MICU2: variants seen among roughly 807,000 people sequenced by gnomAD.
MICU2 encodes calcium uptake protein 2, mitochondrial.
MICU2 carries 64 observed loss-of-function variants against 60.4 expected under a neutral mutation model. That is an observed-to-expected ratio of 1.06 (90% CI 0.87 to 1.31). The LOEUF is 1.31. MICU2 is among the 50% of genes most tolerant of loss of function. The pLI is 0.00. For missense variants in MICU2, 569 were observed against 531.0 expected, an observed-to-expected ratio of 1.07 and a Z score of -0.70; for synonymous variants, 201 against 175.0, an observed-to-expected ratio of 1.15 and a Z score of -1.17.
intron 1 of MICU2, among the ~76,000 whole-genome samples, chr13:21,570,652 A>T (rs1888086407): frequency 6.6e-6 from 1 of 152,228 alleles, no homozygotes; most frequent in Non-Finnish European, 1.5e-5. Flanking sequence ...TACTGTGCAA[A>T]GCATTTGGCC....
intron 1 of MICU2, among the ~76,000 whole-genome samples, chr13:21,584,952 T>C (rs964254986): frequency 3.9e-5 from 6 of 152,236 alleles, no homozygotes; most frequent in African/African-American, 1.4e-4. Flanking sequence ...TAATATTTAC[T>C]TGGATTCCAC....
intron 1 of MICU2, among the ~76,000 whole-genome samples, chr13:21,577,502 C>A (rs887828293): frequency 6.6e-6 from 1 of 151,806 alleles, no homozygotes; most frequent in Non-Finnish European, 1.5e-5. Flanking sequence ...AAAAATTTAA[C>A]AAATAAAAAA....
chr13:21,521,697 A>AAAC lies in MICU2; in HGVS notation c.515-373_515-371dup, dbSNP rs528635582. Among the ~76,000 whole-genome samples, 16 of 152,328 alleles carry AAAC rather than the reference A, an allele frequency of 1.1e-4. No homozygotes were observed. The South Asian group carries it at 3.1e-3, about 30-fold the overall frequency. On this transcript the variant is annotated intron_variant, in intron 5 of 11. Coordinates refer to ENST00000382374, the MANE Select transcript of MICU2 (RefSeq NM_152726.3). The stretch of plus-strand genomic sequence containing the variant: ...TTTATTTCCCTTTCTCAGAGTACTT[A>AAAC]AACAACAACAACGTATTTTGCAATC...
chr13:21,562,384 T>C (rs1358948639), intron 2 of MICU2, among the ~76,000 whole-genome samples: 3 of 152,228 alleles, frequency 2.0e-5, no homozygotes, highest in South Asian at 2.1e-4. Flanking sequence ...ACAGTGACTG[T>C]TGATATATCT....
In MICU2 at chr13:21,502,942, TTCTC is replaced by T; in HGVS notation, c.913_916del (p.Glu305SerfsTer35). 6 of 1,610,838 alleles carry T rather than the reference TTCTC, an allele frequency of 3.7e-6. No individual in the cohort carries two copies. Among genetic ancestry groups the T allele is most frequent in the East Asian group, 2.2e-5 (1 of 44,794 alleles). ...TATACCAACCTCTCCTGCTGACAAC[TTCTC>T]TCTCACATTTTTCCAATAAATATCT... On this transcript the variant is annotated frameshift_variant, in exon 9 of 12. Coordinates refer to ENST00000382374, the MANE Select transcript of MICU2 (RefSeq NM_152726.3). LOFTEE classifies it high-confidence loss of function.
At chr13:21,509,667 GGTT>G (rs1461851062) in intron 8 of MICU2, among the ~76,000 whole-genome samples, 3 of 152,166 alleles carry the variant, frequency 2.0e-5, no homozygotes, top group African/African-American at 7.2e-5. Flanking sequence ...AATAACAAAT[GGTT>G]GTTGTTTTAA....
At chr13:21,530,653 G>A (rs1886969950) in intron 4 of MICU2, 1 of 314,390 alleles carries the variant, frequency 3.2e-6, no homozygotes, top group East Asian at 6.9e-5. Flanking sequence ...CTCTCTGAAA[G>A]TTAAAAAAAT....
At chr13:21,598,580 G>A (rs771563958) in intron 1 of MICU2, among the ~76,000 whole-genome samples, 14 of 152,054 alleles carry the variant, frequency 9.2e-5, no homozygotes, top group Non-Finnish European at 7.4e-5. Context: ...GCTGGGCGTG[G>A]TGGCATTCAC....
chr13:21,510,626 A>C (rs963981901), intron 7 of MICU2, among the ~76,000 whole-genome samples: 1 of 152,292 alleles, frequency 6.6e-6, no homozygotes, highest in East Asian at 1.9e-4. Flanking sequence ...AACTGCTAAA[A>C]AAAAGAAAAA....
intron 6 of MICU2, among the ~76,000 whole-genome samples, chr13:21,518,833 T>G (rs1186581906): frequency 1.3e-5 from 2 of 152,222 alleles, no homozygotes; most frequent in African/African-American, 2.4e-5. Context: ...CCTTCAAATA[T>G]TTATTTGAGA....
chr13:21,531,641 T>C (rs1887003369), intron 4 of MICU2, among the ~76,000 whole-genome samples: 1 of 152,176 alleles, frequency 6.6e-6, no homozygotes, highest in African/African-American at 2.4e-5. Flanking sequence ...CGCGTCAAGA[T>C]TTGTAGAAGT....
chr13:21,504,572 G>T (rs1190820709), intron 8 of MICU2, among the ~76,000 whole-genome samples: 1 of 152,126 alleles, frequency 6.6e-6, no homozygotes, highest in East Asian at 1.9e-4. Context: ...GTTATAACAT[G>T]AAACTCTGGA....
intron 1 of MICU2, among the ~76,000 whole-genome samples, chr13:21,590,851 C>T (rs905863437): frequency 6.6e-6 from 1 of 152,030 alleles, no homozygotes; most frequent in Non-Finnish European, 1.5e-5. Flanking sequence ...GAGACTCTGT[C>T]TCAAAAAACA....
intron 2 of MICU2, chr13:21,551,410 C>T (rs543391124): frequency 6.6e-6 from 1 of 152,344 alleles, no homozygotes; most frequent in African/African-American, 2.4e-5. Flanking sequence ...AAAGCAAGCA[C>T]ACAGACTTCT....
chr13:21,600,569 T>C (rs1443216019), intron 1 of MICU2, among the ~76,000 whole-genome samples: 1 of 152,126 alleles, frequency 6.6e-6, no homozygotes, highest in African/African-American at 2.4e-5. Flanking sequence ...CAGAGTAAGA[T>C]TTCAAAACTT....
intron 9 of MICU2, among the ~76,000 whole-genome samples, chr13:21,499,848 G>T (rs1028584516): frequency 2.0e-5 from 3 of 151,936 alleles, no homozygotes; most frequent in Non-Finnish European, 4.4e-5. Flanking sequence ...ACAACACAGT[G>T]AAACCCATCT....
rs1886101014 is a variant in MICU2, at chr13:21,499,866, A to G, written c.933+3060T>C. Among the ~76,000 whole-genome samples the G allele has an allele frequency of 3.3e-5, 5 of 152,202 alleles. No individual in the cohort carries two copies. The South Asian group carries it at 1.0e-3, about 32-fold the overall frequency. On this transcript the variant is annotated intron_variant, in intron 9 of 11. Coordinates refer to ENST00000382374, the MANE Select transcript of MICU2 (RefSeq NM_152726.3). ...ACACAGTGAAACCCATCTCTACTAAACATACAAAAATTGCGAGGCATGGTG... is the reference window on the plus strand; with the variant it reads ...ACACAGTGAAACCCATCTCTACTAAGCATACAAAAATTGCGAGGCATGGTG...
intron 1 of MICU2, among the ~76,000 whole-genome samples, chr13:21,590,681 C>T (rs2138068633): frequency 6.6e-6 from 1 of 152,282 alleles, no homozygotes; most frequent in Non-Finnish European, 1.5e-5. Context: ...GGTGAAACCC[C>T]CGTTTCTACT....
chr13:21,575,813 T>C (rs1179213888), intron 1 of MICU2, among the ~76,000 whole-genome samples: 3 of 151,872 alleles, frequency 2.0e-5, no homozygotes, highest in African/African-American at 7.3e-5. Flanking sequence ...TCAATATCAT[T>C]TATTGCAACT....
Sources: allele counts gnomAD v4.1 joint callset (sites outside exome capture counted in the v4.1 genomes callset), GRCh38; gene constraint gnomAD v4.1.1; transcripts MANE v1.5; gene names NCBI Gene and HGNC (gene_info 2026-07-23, HGNC 2026-07-21).